CAST: variants seen among roughly 807,000 people sequenced by gnomAD.
CAST encodes MIR583 host.
A neutral mutation model predicts 119.6 loss-of-function variants in CAST; 76 were observed. The ratio of observed to expected loss-of-function variants is 0.64; its 90% confidence interval spans 0.53 to 0.77. The LOEUF (loss-of-function observed/expected upper bound fraction) is 0.77, where lower values mean the gene tolerates loss of function less well. CAST is among the 30% of genes least tolerant of loss of function. The pLI, the probability that CAST is intolerant of heterozygous loss-of-function variation, is 0.00. For missense variants in CAST, 953 were observed against 946.5 expected (o/e 1.01, Z -0.09); for synonymous variants, 319 against 331.6 (o/e 0.96, Z 0.41).
At chr5:96,622,993 A>G (rs1017868637) in intron 1 of CAST, among the ~76,000 whole-genome samples, 2 of 150,218 alleles carry the variant, frequency 1.3e-5, no homozygotes, top group Non-Finnish European at 2.9e-5. Flanking sequence ...CCTCCTGAGT[A>G]GCTGGGACTA....
chr5:96,112,987 G>A, the CAST span, among the ~76,000 whole-genome samples: 1 of 152,052 alleles, frequency 6.6e-6, no homozygotes, highest in African/African-American at 2.4e-5. Flanking sequence ...ATTATGTCAG[G>A]GACCATCTGT....
At chr5:96,313,688 A>G in the CAST span, among the ~76,000 whole-genome samples, 5 of 152,274 alleles carry the variant, frequency 3.3e-5, no homozygotes, top group African/African-American at 9.6e-5. Context: ...CCTTCACTTT[A>G]TAAACTGCCA....
chr5:96,337,151 A>G, the CAST span, among the ~76,000 whole-genome samples: 1 of 152,166 alleles, frequency 6.6e-6, no homozygotes, highest in African/African-American at 2.4e-5. Flanking sequence ...AAAACAAAGT[A>G]AAACTTACTC....
the CAST span, among the ~76,000 whole-genome samples, chr5:96,017,178 AC>A: frequency 3.9e-5 from 6 of 152,094 alleles, 1 homozygote; most frequent in Non-Finnish European, 1.5e-5. Context: ...TCACGGCTGG[AC>A]CTCTGACAAA....
the CAST span, among the ~76,000 whole-genome samples, chr5:96,448,891 G>GA: frequency 1.3e-5 from 2 of 152,106 alleles, no homozygotes; most frequent in Non-Finnish European, 2.9e-5. Flanking sequence ...AAATTGTGAA[G>GA]AAAAATAGTA....
chr5:96,079,577 A>G, the CAST span, among the ~76,000 whole-genome samples: 1 of 152,228 alleles, frequency 6.6e-6, no homozygotes, highest in South Asian at 2.1e-4. Flanking sequence ...CAAAAAAGAT[A>G]TACAATGAAA....
At chr5:96,573,976 T>C (rs10075469) in intron 1 of CAST, among the ~76,000 whole-genome samples, 10,128 of 151,996 alleles carry the variant, frequency 0.067, 512 homozygotes, top group Non-Finnish European at 0.1. Context: ...TAGTATTCCA[T>C]TGGAAATACA....
the CAST span, among the ~76,000 whole-genome samples, chr5:96,387,250 T>C: frequency 6.6e-6 from 1 of 152,330 alleles, no homozygotes; most frequent in East Asian, 1.9e-4. Context: ...ATTAGAATAG[T>C]ATCATTTACA....
chr5:96,101,097 G>T, the CAST span, among the ~76,000 whole-genome samples: 2 of 152,126 alleles, frequency 1.3e-5, no homozygotes, highest in Non-Finnish European at 2.9e-5. Context: ...TTTTTGTAGA[G>T]ACAGAGTCTT....
At chr5:96,078,857 T>A in the CAST span, among the ~76,000 whole-genome samples, 13 of 152,254 alleles carry the variant, frequency 8.5e-5, no homozygotes, top group African/African-American at 2.9e-4. Context: ...GTATTGCATG[T>A]TCTCACTTAT....
chr5:96,225,089 C>T, the CAST span, among the ~76,000 whole-genome samples: 49,682 of 152,114 alleles, frequency 0.33, 8,457 homozygotes, highest in Admixed American at 0.43. Context: ...TTACATCAGA[C>T]TCTAAGTTTA....
chr5:95,963,725 C>CTTTTTTTTTTTT, the CAST span, among the ~76,000 whole-genome samples: 33 of 129,972 alleles, frequency 2.5e-4, no homozygotes, highest in African/African-American at 7.1e-4. Flanking sequence ...TTCTCTCTCT[C>CTTTTTTTTTTTT]TTTTTTTTTT....
At chr5:96,274,123 A>G in the CAST span, among the ~76,000 whole-genome samples, 1 of 149,680 alleles carries the variant, frequency 6.7e-6, no homozygotes. Context: ...TCTTTTTGAG[A>G]CAGAGTCTTA....
At chr5:96,571,518 A>G (rs1339582806) in intron 1 of CAST, among the ~76,000 whole-genome samples, 1 of 152,254 alleles carries the variant, frequency 6.6e-6, no homozygotes, top group African/African-American at 2.4e-5. Flanking sequence ...ATCTAGGTCC[A>G]TTCCTCTAAA....
intron 20 of CAST, among the ~76,000 whole-genome samples, chr5:96,753,057 G>A (rs1482518404): frequency 6.6e-6 from 1 of 150,792 alleles, no homozygotes; most frequent in East Asian, 1.9e-4. Context: ...GCAATGGCAT[G>A]ATCTCGGCTC....
rs184838202 is a variant in CAST at position 96,738,698 on chromosome 5, C to T, written c.798+751C>T. On this transcript the variant is annotated intron_variant, in intron 11 of 31. Transcript: ENST00000675179. ...CTGTAATCCCAGCACTTTGGGAGGCCGAGGCAGGCGGATCATCTGAGGTCA... is the reference window on the plus strand; with the variant it reads ...CTGTAATCCCAGCACTTTGGGAGGCTGAGGCAGGCGGATCATCTGAGGTCA... Among the ~76,000 whole-genome samples the T allele has an allele frequency of 1.1e-3, 163 of 152,016 alleles. 1 individual carries two copies. The highest frequency in any genetic ancestry group is 0.01 in the Admixed American group (159 of 15,268).
the CAST span, among the ~76,000 whole-genome samples, chr5:95,997,969 T>TC: frequency 1.4e-5 from 2 of 146,502 alleles, no homozygotes; most frequent in African/African-American, 5.1e-5. Context: ...GAGGGTTTTT[T>TC]TTTTTTTTTT....
the CAST span, among the ~76,000 whole-genome samples, chr5:96,094,291 TGAGA>T: frequency 6.6e-6 from 1 of 152,202 alleles, no homozygotes; most frequent in East Asian, 1.9e-4. Context: ...GATTTGGCAT[TGAGA>T]GAGTGGCATT....
At chr5:96,176,489 A>G in the CAST span, among the ~76,000 whole-genome samples, 1 of 152,214 alleles carries the variant, frequency 6.6e-6, no homozygotes, top group Non-Finnish European at 1.5e-5. Flanking sequence ...GGGGCAAGGT[A>G]GATAGCAAAC....
Sources: gnomAD v4.1 joint callset for allele counts (sites outside exome capture counted in the v4.1 genomes callset) on GRCh38, gnomAD v4.1.1 for gene constraint, MANE v1.5 for transcripts, NCBI Gene and HGNC (gene_info 2026-07-23, HGNC 2026-07-21) for gene names.